TAFA2: variants seen among roughly 807,000 people sequenced by gnomAD.
The protein encoded by TAFA2 is chemokine-like protein TAFA-2.
Under a neutral mutation model 18.8 loss-of-function variants are expected in TAFA2, and 7 were observed. That is an observed-to-expected ratio of 0.37 (90% CI 0.21 to 0.70). TAFA2 has a LOEUF of 0.70. Ranked by LOEUF, TAFA2 falls within the 30% of genes least tolerant of loss-of-function variation. The pLI is 0.53. For missense variants in TAFA2, 122 were observed against 158.1 expected, an observed-to-expected ratio of 0.77 and a Z score of 1.23; for synonymous variants, 60 against 54.2, an observed-to-expected ratio of 1.11 and a Z score of -0.47.
At chr12:61,733,928 T>C (rs543106488) in intron 4 of TAFA2, among the ~76,000 whole-genome samples, 1 of 149,514 alleles carries the variant, frequency 6.7e-6, no homozygotes, top group East Asian at 2.0e-4. Context: ...TTCCATTTGT[T>C]TGTATCCTCT....
At chr12:61,996,172 T>C (rs1880180382) in intron 1 of TAFA2, among the ~76,000 whole-genome samples, 1 of 152,154 alleles carries the variant, frequency 6.6e-6, no homozygotes, top group Non-Finnish European at 1.5e-5. Context: ...ATTCAACACT[T>C]GCTATATACA....
chr12:62,050,582 A>G (rs1882026693), intron 1 of TAFA2, among the ~76,000 whole-genome samples: 1 of 152,114 alleles, frequency 6.6e-6, no homozygotes. Flanking sequence ...AAAAAAAAAA[A>G]AAATTGTTAC....
intron 2 of TAFA2, among the ~76,000 whole-genome samples, chr12:61,798,965 T>C (rs1207085720): frequency 1.3e-5 from 2 of 152,316 alleles, no homozygotes; most frequent in Admixed American, 1.3e-4. Context: ...GCCAATAGTT[T>C]GAACTCAGCA....
At chr12:61,872,372 ACT>A (rs1396091282) in intron 1 of TAFA2, among the ~76,000 whole-genome samples, 2 of 152,116 alleles carry the variant, frequency 1.3e-5, no homozygotes, top group Non-Finnish European at 2.9e-5. Context: ...CTTGGTGTTA[ACT>A]AGTTACAATG....
At chr12:61,926,907 C>T (rs1473079811) in intron 1 of TAFA2, among the ~76,000 whole-genome samples, 3 of 151,706 alleles carry the variant, frequency 2.0e-5, no homozygotes, top group Non-Finnish European at 2.9e-5. Context: ...CCTGTCTCTA[C>T]TTTAAAAAAG....
At chr12:61,909,670 G>T (rs1349504249) in intron 1 of TAFA2, among the ~76,000 whole-genome samples, 3 of 152,128 alleles carry the variant, frequency 2.0e-5, no homozygotes. Flanking sequence ...TAAAGGGATA[G>T]GAAATTACTC....
intron 2 of TAFA2, among the ~76,000 whole-genome samples, chr12:61,781,034 C>A (rs1030345938): frequency 4.0e-5 from 6 of 151,702 alleles, no homozygotes; most frequent in African/African-American, 1.5e-4. Flanking sequence ...AATAATCCCT[C>A]ACCAGCTCAC....
chr12:62,159,113 T>C (rs2062390051), intron 1 of TAFA2, among the ~76,000 whole-genome samples: 1 of 152,212 alleles, frequency 6.6e-6, no homozygotes, highest in South Asian at 2.1e-4. Flanking sequence ...TAATTTAGCA[T>C]GGCACTGAAG....
At chr12:61,788,852 C>A (rs1189492107) in intron 2 of TAFA2, among the ~76,000 whole-genome samples, 1 of 151,724 alleles carries the variant, frequency 6.6e-6, no homozygotes, top group Non-Finnish European at 1.5e-5. Context: ...AATATAAAAT[C>A]TGAACAAACC....
intron 1 of TAFA2, among the ~76,000 whole-genome samples, chr12:62,009,730 T>A (rs530596095): frequency 6.6e-6 from 1 of 152,348 alleles, no homozygotes; most frequent in South Asian, 2.1e-4. Context: ...GTTTTGCAGA[T>A]GAGGAAACCA....
At chr12:62,008,244 CTTT>C (rs2136709146) in intron 1 of TAFA2, among the ~76,000 whole-genome samples, 1 of 132,702 alleles carries the variant, frequency 7.5e-6, no homozygotes, top group African/African-American at 2.9e-5. Context: ...ATTTTTTCTT[CTTT>C]GTTACTGTCA....
intron 1 of TAFA2, among the ~76,000 whole-genome samples, chr12:62,005,281 T>C (rs2136705574): frequency 6.6e-6 from 1 of 152,204 alleles, no homozygotes; most frequent in South Asian, 2.1e-4. Context: ...ATCAAAACAT[T>C]ATGCAATATA....
chr12:61,994,305 C>G (rs1880110398), intron 1 of TAFA2, among the ~76,000 whole-genome samples: 1 of 152,142 alleles, frequency 6.6e-6, no homozygotes. Flanking sequence ...CTTCTTCTCT[C>G]TTGATACACT....
intron 1 of TAFA2, among the ~76,000 whole-genome samples, chr12:62,040,321 C>CA (rs910477208): frequency 1.3e-5 from 2 of 151,924 alleles, no homozygotes; most frequent in African/African-American, 2.4e-5. Context: ...TCCCATCCCC[C>CA]AAAAAAGAAT....
At chr12:61,970,862 G>T (rs1592521762) in intron 1 of TAFA2, among the ~76,000 whole-genome samples, 1 of 151,234 alleles carries the variant, frequency 6.6e-6, no homozygotes, top group Admixed American at 6.6e-5. Context: ...AAAAATACCT[G>T]GTCCTCAAAG....
intron 1 of TAFA2, among the ~76,000 whole-genome samples, chr12:62,177,570 GC>G (rs1337400613): frequency 6.6e-6 from 1 of 152,142 alleles, no homozygotes; most frequent in African/African-American, 2.4e-5. Context: ...GTGTATTTAA[GC>G]CGTAATTCTG....
intron 1 of TAFA2, among the ~76,000 whole-genome samples, chr12:61,910,099 TTTG>T (rs1565677903): frequency 1.2e-5 from 1 of 85,450 alleles, no homozygotes; most frequent in African/African-American, 7.2e-5. Context: ...TGTGTGTGTG[TTTG>T]TGTGTGTGTG....
At chr12:62,241,891 C>A (rs1274115740) in intron 1 of TAFA2, among the ~76,000 whole-genome samples, 2 of 152,080 alleles carry the variant, frequency 1.3e-5, no homozygotes, top group African/African-American at 4.8e-5. Flanking sequence ...TACACAAGTC[C>A]CTGTGCTACA....
rs562271376 is a variant in TAFA2 at position 62,176,272 on chromosome 12, T to C, written c.-2+14987A>G. On this transcript the variant is annotated intron_variant, in intron 1 of 4. Coordinates refer to ENST00000416284, the MANE Select transcript of TAFA2 (RefSeq NM_178539.5). ...ATATAACTAATGTTTTCATAAGGCT[T>C]TGTCATTAATCAAAAAATTAAAAGA... Among the ~76,000 whole-genome samples, 245 of 152,328 alleles carry C rather than the reference T, an allele frequency of 1.6e-3. 3 individuals carry two copies. Among genetic ancestry groups the C allele is most frequent in the African/African-American group, 5.6e-3 (231 of 41,574 alleles).
Sources: allele counts gnomAD v4.1 joint callset (sites outside exome capture counted in the v4.1 genomes callset), GRCh38; gene constraint gnomAD v4.1.1; transcripts MANE v1.5; gene names NCBI Gene and HGNC (gene_info 2026-07-23, HGNC 2026-07-21).